Variants in CSMD2 observed in about 807,000 individuals in gnomAD.
The protein encoded by CSMD2 is CUB and sushi domain-containing protein 2.
A neutral mutation model predicts 398.5 loss-of-function variants in CSMD2; 130 were observed. The ratio of observed to expected loss-of-function variants is 0.33; its 90% CI spans 0.28 to 0.38. The LOEUF is 0.38. Among genes scored for constraint, CSMD2 ranks in the 10% least tolerant of loss-of-function variants. The pLI, the probability that CSMD2 is intolerant of heterozygous loss-of-function variation, is 1.00. For missense variants in CSMD2, 3,829 were observed against 4,764.9 expected (o/e 0.80, Z 5.78); for synonymous variants, 1,828 against 1,908.5 (o/e 0.96, Z 1.10).
chr1:33,820,565 C>CAAAAAAAAAAAAA lies in CSMD2; in HGVS notation c.1112-22_1112-10dup. 2.5e-5 allele frequency: 11 copies of CAAAAAAAAAAAAA among 442,170 alleles called. No individual in the cohort carries two copies. The highest frequency in any genetic ancestry group is 9.3e-5 in the South Asian group (3 of 32,268). 27.4% of individuals were successfully genotyped at this position (442,170 alleles called of 1,614,324 possible). ...CACACCAACCTGAGTTACTACAAGGCAAAAAAAAAAAAAAAAAAAAAAACA... is the reference window on the plus strand; with the variant it reads ...CACACCAACCTGAGTTACTACAAGGCAAAAAAAAAAAAAAAAAAAAAAAAAAAAAAAAAAAACA... On this transcript the variant is annotated splice_polypyrimidine_tract_variant and intron_variant, in intron 7 of 70. Coordinates refer to ENST00000373381, the MANE Select transcript of CSMD2 (RefSeq NM_001281956.2).
At chr1:33,641,185 G>A (rs974341591) in intron 29 of CSMD2, among the ~76,000 whole-genome samples, 10 of 152,102 alleles carry the variant, frequency 6.6e-5, no homozygotes, top group Non-Finnish European at 2.9e-5. Context: ...AACTTCTTAT[G>A]CTTCTTACTT....
In CSMD2 at chr1:33,716,334, T is replaced by A. The variant is rs1441769949; in HGVS notation, c.3169A>T (p.Ile1057Phe). 9 of 1,614,028 alleles carry A rather than the reference T, an allele frequency of 5.6e-6. No homozygotes were observed. In the African/African-American group the frequency reaches 9.3e-5, roughly 17 times the overall value. Residue 1057 changes from isoleucine (I) to phenylalanine (F), a missense_variant, in exon 20 of 71, where the codon ATC (isoleucine) becomes TTC (phenylalanine). Ile to Phe is a conservative substitution (Grantham distance 21). This residue lies in a region of CSMD2 where 2,001 missense variants were observed against 2,567.1 expected (regional missense o/e 0.78). Coordinates refer to ENST00000373381, the MANE Select transcript of CSMD2 (RefSeq NM_001281956.2). ...YGNFTAQVRF[I>F]SDFSMSYEGF... The stretch of plus-strand genomic sequence containing the variant: ...TCATATGACATGGAGAAATCAGAGA[T>A]GAAGCGGACCTGGGCAGTGAAGTTG...
intron 12 of CSMD2, among the ~76,000 whole-genome samples, chr1:33,788,351 T>C (rs1653795471): frequency 6.6e-6 from 1 of 151,536 alleles, no homozygotes; most frequent in African/African-American, 2.4e-5. Flanking sequence ...CTACTAAAAA[T>C]ACAAAAATTA....
rs1450354251 is a variant in CSMD2 at position 33,925,705 on chromosome 1, T to G, written c.713-7404A>C. 7.9e-5 allele frequency among the ~76,000 whole-genome samples: 12 copies of G among 152,234 alleles called. No individual in the cohort carries two copies. In the East Asian group the frequency reaches 2.1e-3, roughly 27 times the overall value. ...GGGCCTGATTACACCACTCTCTCTG[T>G]TGGAACCATCAATAACCCCCATTGT... On this transcript the variant is annotated intron_variant, in intron 4 of 70. Transcript: ENST00000373381.
At chr1:34,037,638 C>T (rs1349713558) in intron 2 of CSMD2, among the ~76,000 whole-genome samples, 3 of 152,156 alleles carry the variant, frequency 2.0e-5, no homozygotes, top group Non-Finnish European at 4.4e-5. Context: ...AGAATTATGC[C>T]CTTGGGTGCC....
At chr1:33,741,315 T>C (rs1421820813) in intron 14 of CSMD2, among the ~76,000 whole-genome samples, 1 of 152,038 alleles carries the variant, frequency 6.6e-6, no homozygotes, top group East Asian at 1.9e-4. Flanking sequence ...TCAGTTGGGA[T>C]GTAGGAGGAG....
rs1646497883 is a variant in CSMD2, at chr1:33,725,428, G to A, written c.2616C>T (p.Ile872=). 1 of 1,614,162 alleles carries A rather than the reference G, an allele frequency of 6.2e-7. No individual in the cohort carries two copies. Among genetic ancestry groups the A allele is most frequent in the Non-Finnish European group, 8.5e-7 (1 of 1,179,988 alleles). ...GGAGGTAGAGGTAGTTGCTGGTGCTGATGAGGAACTGGGGAACCTGGGTCC... is the reference window on the plus strand; with the variant it reads ...GGAGGTAGAGGTAGTTGCTGGTGCTAATGAGGAACTGGGGAACCTGGGTCC... ...YHGTQVPQFL[I]STSNYLYLLF... is the part of the protein sequence containing the mutation. Residue 872 remains isoleucine, a synonymous_variant, in exon 17 of 71, where the codon ATC becomes ATT. Coordinates refer to ENST00000373381, the MANE Select transcript of CSMD2 (RefSeq NM_001281956.2).
chr1:34,032,912 G>C (rs566006663), intron 2 of CSMD2, among the ~76,000 whole-genome samples: 63 of 152,290 alleles, frequency 4.1e-4, no homozygotes, highest in African/African-American at 1.5e-3. Flanking sequence ...CCAAAGCCAT[G>C]GTCTAATCCC....
At chr1:34,046,386 T>A (rs1652516945) in intron 2 of CSMD2, among the ~76,000 whole-genome samples, 1 of 152,234 alleles carries the variant, frequency 6.6e-6, no homozygotes, top group African/African-American at 2.4e-5. Context: ...CTTATTCAGT[T>A]ATTTGGACCT....
chr1:33,834,346 G>C lies in CSMD2; in HGVS notation c.1034-8572C>G, dbSNP rs1271174756. Reference sequence around the variant, plus strand: ...GAACAGAGCCCTCAGAAATAACGCCGCATATCTACAACTATCTGATCTTCG... The same window carrying C: ...GAACAGAGCCCTCAGAAATAACGCCCCATATCTACAACTATCTGATCTTCG... On this transcript the variant is annotated intron_variant, in intron 6 of 70. Coordinates refer to ENST00000373381, the MANE Select transcript of CSMD2 (RefSeq NM_001281956.2). 1.5e-3 allele frequency among the ~76,000 whole-genome samples: 124 copies of C among 80,110 alleles called. 1 individual carries two copies. The highest frequency in any genetic ancestry group is 8.1e-3 in the African/African-American group (114 of 14,092). The allele number at this position is 80,110 out of a possible 152,430, so 52.6% of individuals were successfully genotyped here. A position where few individuals can be genotyped will look rare whatever the true frequency, so the allele number is the denominator to read the frequency against.
intron 1 of CSMD2, among the ~76,000 whole-genome samples, chr1:34,108,283 G>A (rs80216980): frequency 3.0e-5 from 4 of 133,086 alleles, no homozygotes; most frequent in East Asian, 2.5e-4. Flanking sequence ...GAGAGAGAGA[G>A]AAAAAAAAAC....
intron 27 of CSMD2, among the ~76,000 whole-genome samples, chr1:33,654,887 CCT>C (rs997123664): frequency 2.0e-4 from 30 of 152,336 alleles, no homozygotes; most frequent in African/African-American, 6.7e-4. Flanking sequence ...TGAAACTGCC[CCT>C]GTTACTCTCC....
chr1:33,788,004 T>C (rs1004435444), intron 12 of CSMD2, among the ~76,000 whole-genome samples: 1 of 152,126 alleles, frequency 6.6e-6, no homozygotes, highest in African/African-American at 2.4e-5. Context: ...ATTTTAAAAA[T>C]AAGTGAGGCC....
At chr1:33,956,264 C>A (rs1645165927) in intron 3 of CSMD2, among the ~76,000 whole-genome samples, 1 of 151,690 alleles carries the variant, frequency 6.6e-6, no homozygotes, top group Admixed American at 6.6e-5. Flanking sequence ...TATCCATCCA[C>A]AAAACTGTTT....
intron 25 of CSMD2, among the ~76,000 whole-genome samples, chr1:33,679,196 G>C (rs1644819571): frequency 7.8e-6 from 1 of 128,582 alleles, no homozygotes; most frequent in South Asian, 2.6e-4. Flanking sequence ...TCAAATTGCA[G>C]TTGTTTTTTT....
chr1:34,135,064 A>G (rs1638576820), intron 1 of CSMD2, among the ~76,000 whole-genome samples: 1 of 152,190 alleles, frequency 6.6e-6, no homozygotes, highest in African/African-American at 2.4e-5. Context: ...TGGGCCAAGC[A>G]ATCTGTATTT....
intron 12 of CSMD2, among the ~76,000 whole-genome samples, chr1:33,776,817 C>T (rs181834018): frequency 5.3e-5 from 8 of 150,328 alleles, no homozygotes; most frequent in African/African-American, 7.3e-5. Context: ...GAGCAGGGGG[C>T]GATGGGGGAA....
chr1:34,088,800 C>T (rs892769668), intron 2 of CSMD2, among the ~76,000 whole-genome samples, 177 bp downstream of exon 2: 15 of 152,268 alleles, frequency 9.9e-5, no homozygotes, highest in East Asian at 1.9e-4. Flanking sequence ...TCCTCCCAAC[C>T]GGAAACCTCT....
chr1:33,862,033 C>A, intron 5 of CSMD2: 1 of 152,240 alleles, frequency 6.6e-6, no homozygotes, highest in East Asian at 1.9e-4. Context: ...CTTCCCAGGC[C>A]AGAGAAGGTT....
Sources: allele counts gnomAD v4.1 joint callset (sites outside exome capture counted in the v4.1 genomes callset), GRCh38; gene constraint gnomAD v4.1.1; regional missense constraint gnomAD v4.1.1; transcripts MANE v1.5; gene names NCBI Gene and HGNC (gene_info 2026-07-23, HGNC 2026-07-21).